The following DYNLT5 variants were observed in gnomAD, a reference collection of about 807,000 sequenced individuals.
DYNLT5 encodes the protein dynein light chain Tctex-type 5.
DYNLT5 carries 25 observed loss-of-function variants against 19.3 expected under a neutral mutation model. The observed-to-expected ratio is 1.30, with a 90% CI of 0.95 to 1.81. The LOEUF (loss-of-function observed/expected upper bound fraction) is 1.81, where lower values mean the gene tolerates loss of function less well. Ranked by LOEUF, DYNLT5 falls within the 40% of genes most tolerant of loss-of-function variation. The pLI is 0.00. For synonymous variants in DYNLT5, 82 were observed against 68.9 expected (o/e 1.19, Z -0.94); for missense variants, 232 against 217.9 (o/e 1.06, Z -0.41).
chr1:66,778,573 A>G lies in DYNLT5; in HGVS notation c.*1119A>G, dbSNP rs1281588304. On this transcript the variant is annotated 3_prime_UTR_variant, in exon 5 of 5. Coordinates refer to ENST00000282670, the MANE Select transcript of DYNLT5 (RefSeq NM_152665.3). ...AAGGTCAAAGACAAATTGTACACAT[A>G]TGGAGAAAATTAGCAATGCTGTAGT... is the stretch of plus-strand genomic sequence containing the variant. The G allele has an allele frequency of 2.0e-5, 3 of 152,654 alleles. No individual in the cohort carries two copies. The highest frequency in any genetic ancestry group is 4.4e-5 in the Non-Finnish European group (3 of 68,044). The allele number at this position is 152,654 out of a possible 1,614,324, so 9.5% of individuals were successfully genotyped here.
intron 3 of DYNLT5, among the ~76,000 whole-genome samples, chr1:66,772,496 G>A (rs540933919): frequency 2.0e-5 from 3 of 152,266 alleles, no homozygotes; most frequent in Admixed American, 1.3e-4. Flanking sequence ...CCAACACTGG[G>A]GATCACATTT....
Position 66,752,501 on chromosome 1 carries a change from G to A in DYNLT5, c.-87G>A. 1 of 985,596 alleles carries A rather than the reference G, an allele frequency of 1.0e-6. No homozygotes were observed. Among genetic ancestry groups the A allele is most frequent in the Non-Finnish European group, 1.2e-6 (1 of 830,048 alleles). 61.1% of individuals were successfully genotyped at this position (985,596 alleles called of 1,614,324 possible). On this transcript the variant is annotated 5_prime_UTR_variant, in exon 1 of 5. Coordinates refer to ENST00000282670, the MANE Select transcript of DYNLT5 (RefSeq NM_152665.3). Reference sequence around the variant, plus strand: ...CGCGGGCGGCCGCCGGCTGAATGAAGCCTGGGACGCGGGAGCCGCGCCGCG... The same window carrying A: ...CGCGGGCGGCCGCCGGCTGAATGAAACCTGGGACGCGGGAGCCGCGCCGCG...
intron 3 of DYNLT5, 162 bp downstream of exon 3, chr1:66,770,640 A>G (rs1278958395): frequency 4.2e-6 from 3 of 716,096 alleles, no homozygotes; most frequent in Non-Finnish European, 2.5e-6. Flanking sequence ...CTTCCTCAGC[A>G]AAAAGGTAAC....
At chr1:66,754,118 C>T (rs1262534151) in intron 1 of DYNLT5, among the ~76,000 whole-genome samples, 1 of 151,214 alleles carries the variant, frequency 6.6e-6, no homozygotes, top group Non-Finnish European at 1.5e-5. Flanking sequence ...CATACACCTG[C>T]AGTCCCAGCT....
Position 66,770,430 on chromosome 1 carries a change from G to C in DYNLT5, c.163G>C (p.Asp55His), listed in dbSNP as rs1429968754. The C allele has an allele frequency of 6.2e-7, 1 of 1,613,576 alleles. No individual in the cohort carries two copies. The highest frequency in any genetic ancestry group is 2.2e-5 in the East Asian group (1 of 44,854). Residue 55 changes from aspartate to histidine, a missense_variant, in exon 3 of 5, where the codon GAT (aspartate) becomes CAT (histidine). Asp to His is a moderately conservative substitution (Grantham distance 81). Coordinates refer to ENST00000282670, the MANE Select transcript of DYNLT5 (RefSeq NM_152665.3). ...TTATATGGAAGAACCCAGTCAGCGT[G>C]ATGATATCTCTCGCCTTACAGTTCA... ...VSYMEEPSQR[D>H]DISRLTVQME... is the part of the protein sequence containing the mutation.
chr1:66,770,005 G>T (rs1056300387), intron 2 of DYNLT5, among the ~76,000 whole-genome samples: 1 of 152,110 alleles, frequency 6.6e-6, no homozygotes. Context: ...CCCCAGCCCT[G>T]TTTGTGAGCT....
At position 66,754,614 on chromosome 1, in the gene DYNLT5, C is replaced by T. The variant is rs190925505; in HGVS notation, c.-3-42C>T. ...CCTGTTATACTAACTAAAATGTTTC[C>T]GGATCTTTCTTTTGCTATTTTACAA... On this transcript the variant is annotated intron_variant, in intron 1 of 4. Transcript: ENST00000282670. 5.1e-4 allele frequency: 790 copies of T among 1,555,930 alleles called. 2 individuals are homozygous for T. In the Middle Eastern group the frequency reaches 9.5e-3, roughly 19 times the overall value.
chr1:66,760,711 C>T (rs1222894652), intron 2 of DYNLT5, among the ~76,000 whole-genome samples: 1 of 152,190 alleles, frequency 6.6e-6, no homozygotes, highest in Non-Finnish European at 1.5e-5. Flanking sequence ...ATGGCACCTG[C>T]ACTACCAGCA....
chr1:66,754,994 T>A (rs2094633655), intron 2 of DYNLT5, among the ~76,000 whole-genome samples: 1 of 152,154 alleles, frequency 6.6e-6, no homozygotes. Flanking sequence ...ATTTCAAAAA[T>A]CATCCCAAAA....
rs2094629178 is a variant in DYNLT5 at position 66,752,903 on chromosome 1, C to A, written c.-4+319C>A. Among the ~76,000 whole-genome samples, 14 of 152,170 alleles carry A rather than the reference C, an allele frequency of 9.2e-5. No individual in the cohort carries two copies. The South Asian group carries it at 2.9e-3, about 32-fold the overall frequency. On this transcript the variant is annotated intron_variant, in intron 1 of 4. Transcript: ENST00000282670. Reference sequence around the variant, plus strand: ...CCGCACCCATGAGGACCTCCAGGTCCCAACTCTGGCCTTTCTTGGGGAGGG... The same window carrying A: ...CCGCACCCATGAGGACCTCCAGGTCACAACTCTGGCCTTTCTTGGGGAGGG...
intron 2 of DYNLT5, among the ~76,000 whole-genome samples, chr1:66,757,317 T>C (rs1435817785): frequency 1.3e-5 from 2 of 152,182 alleles, no homozygotes; most frequent in African/African-American, 4.8e-5. Flanking sequence ...AGAATAAATA[T>C]CTGAAATGCC....
intron 3 of DYNLT5, among the ~76,000 whole-genome samples, chr1:66,774,425 A>G (rs1393433255): frequency 6.6e-6 from 1 of 151,930 alleles, no homozygotes; most frequent in East Asian, 1.9e-4. Flanking sequence ...TTCAATCTCC[A>G]CCCCCACCCT....
In DYNLT5 at chr1:66,777,337, C is replaced by T; in HGVS notation, c.423C>T (p.Ser141=). The T allele has an allele frequency of 1.2e-6, 2 of 1,613,914 alleles. No homozygotes were observed. The change falls in exon 5 of 5, where the codon AGC becomes AGT. Residue 141 remains serine, a synonymous_variant. Coordinates refer to ENST00000282670, the MANE Select transcript of DYNLT5 (RefSeq NM_152665.3). ...ACATTGGACAACTGAACAGGCAGAG[C>T]ATACTTATTGGAAGCAGATGCCTCT... is the stretch of plus-strand genomic sequence containing the variant. The part of the protein sequence containing the change: ...IVHIGQLNRQ[S]ILIGSRCLWD...
intron 4 of DYNLT5, 39 bp downstream of exon 4, chr1:66,776,442 G>C (rs773430743): frequency 2.4e-5 from 37 of 1,559,752 alleles, no homozygotes; most frequent in Middle Eastern, 1.7e-4. Context: ...ACAATAGCTA[G>C]AATATTTGCT....
chr1:66,757,951 C>T (rs1226435533), intron 2 of DYNLT5, among the ~76,000 whole-genome samples: 1 of 152,076 alleles, frequency 6.6e-6, no homozygotes, highest in African/African-American at 2.4e-5. Context: ...ACAATAGAAA[C>T]CGTAGGGCCT....
In DYNLT5 at chr1:66,776,259, A is replaced by C; in HGVS notation, c.212-20A>C. 6.2e-7 allele frequency: 1 copy of C among 1,608,872 alleles called. No individual in the cohort carries two copies. Among genetic ancestry groups the C allele is most frequent in the Non-Finnish European group, 8.5e-7 (1 of 1,177,256 alleles). ...GATTTGAAATTACTTTTTAGAAATA[A>C]ATTTTATGTGTATTTTCAGGTCCTC... On this transcript the variant is annotated intron_variant, in intron 3 of 4. Coordinates refer to ENST00000282670, the MANE Select transcript of DYNLT5 (RefSeq NM_152665.3).
chr1:66,767,649 C>A (rs1645170103), intron 2 of DYNLT5, among the ~76,000 whole-genome samples: 1 of 152,176 alleles, frequency 6.6e-6, no homozygotes, highest in Non-Finnish European at 1.5e-5. Flanking sequence ...TCTACTGCTG[C>A]ATATAATAAT....
chr1:66,764,517 C>G (rs1477888289), intron 2 of DYNLT5, among the ~76,000 whole-genome samples: 1 of 152,188 alleles, frequency 6.6e-6, no homozygotes. Context: ...TCAATTAAGT[C>G]AGCTTCTTTA....
At chr1:66,763,658 C>T (rs1230258152) in intron 2 of DYNLT5, among the ~76,000 whole-genome samples, 1 of 152,194 alleles carries the variant, frequency 6.6e-6, no homozygotes, top group Admixed American at 6.5e-5. Context: ...CCTCAAGCCT[C>T]ATGAACAAAC....
Sources: allele counts gnomAD v4.1 joint callset (sites outside exome capture counted in the v4.1 genomes callset), GRCh38; gene constraint gnomAD v4.1.1; transcripts MANE v1.5; gene names NCBI Gene and HGNC (gene_info 2026-07-23, HGNC 2026-07-21).